LMOD1: variants seen among roughly 807,000 people sequenced by gnomAD.
The protein encoded by LMOD1 is leiomodin 1, also known as leiomodin-1.
In LMOD1, 8 loss-of-function variants were observed where a neutral mutation model predicts 36.5. That is an observed-to-expected ratio of 0.22 (90% CI 0.13 to 0.40). The LOEUF (loss-of-function observed/expected upper bound fraction) is 0.40. Among genes scored for constraint, LMOD1 ranks in the 10% least tolerant of loss-of-function variants. The probability of loss-of-function intolerance (pLI) is 1.00; values close to 1 mark genes in which losing one functional copy is unlikely to be tolerated. For synonymous variants in LMOD1, 284 were observed against 288.7 expected (o/e 0.98, Z 0.17); for missense variants, 630 against 751.1 (o/e 0.84, Z 1.88).
At position 201,901,611 on chromosome 1, in the gene LMOD1, CACAT is replaced by C. The variant is rs1195455755; in HGVS notation, c.262-864_262-861del. The stretch of plus-strand genomic sequence containing the variant: ...ATATATATATGTATATATATATATA[CACAT>C]ATATATGTGTGTGTGTATATATATA... On this transcript the variant is annotated intron_variant, in intron 1 of 2. Transcript: ENST00000367288. Among the ~76,000 whole-genome samples, 11 of 20,980 alleles carry C rather than the reference CACAT, an allele frequency of 5.2e-4. 1 individual carries two copies. Among genetic ancestry groups the C allele is most frequent in the African/African-American group, 2.8e-3 (11 of 3,922 alleles). 13.8% of individuals were successfully genotyped at this position (20,980 alleles called of 152,430 possible). A position where few individuals can be genotyped will look rare whatever the true frequency, so the allele number is the denominator to read the frequency against.
intron 1 of LMOD1, among the ~76,000 whole-genome samples, chr1:201,916,920 G>A (rs767985645): frequency 2.0e-5 from 3 of 152,306 alleles, no homozygotes; most frequent in East Asian, 1.9e-4. Context: ...TCCAGGGGTC[G>A]GAGTGGCGCA....
chr1:201,929,492 G>A (rs969957662), intron 1 of LMOD1, among the ~76,000 whole-genome samples: 1 of 152,146 alleles, frequency 6.6e-6, no homozygotes, highest in South Asian at 2.1e-4. Context: ...GGGAAATATG[G>A]CAGTGATCTA....
intron 1 of LMOD1, among the ~76,000 whole-genome samples, chr1:201,939,064 A>T (rs914331249): frequency 7.2e-5 from 11 of 152,032 alleles, no homozygotes; most frequent in African/African-American, 2.4e-4. Context: ...GCGAGTAATT[A>T]CATAAGCCCT....
At chr1:201,902,445 G>GTTTA (rs34946135) in intron 1 of LMOD1, among the ~76,000 whole-genome samples, 1 of 77,776 alleles carries the variant, frequency 1.3e-5, no homozygotes, top group Non-Finnish European at 3.3e-5. Flanking sequence ...GTTTTTTTTG[G>GTTTA]TTTGTTTGTT....
chr1:201,903,260 T>A (rs1373582658), intron 1 of LMOD1, among the ~76,000 whole-genome samples: 2 of 152,234 alleles, frequency 1.3e-5, no homozygotes, highest in African/African-American at 4.8e-5. Flanking sequence ...CCTTGGCTCC[T>A]CTGCTAGAAT....
intron 1 of LMOD1, among the ~76,000 whole-genome samples, chr1:201,903,763 C>T (rs1483952967): frequency 6.6e-6 from 1 of 152,170 alleles, no homozygotes; most frequent in East Asian, 1.9e-4. Context: ...GGCAAAGACT[C>T]CTGCCCTCCC....
At chr1:201,909,392 C>T (rs1330918994) in intron 1 of LMOD1, among the ~76,000 whole-genome samples, 1 of 152,178 alleles carries the variant, frequency 6.6e-6, no homozygotes, top group African/African-American at 2.4e-5. Flanking sequence ...TAGCTTTGAG[C>T]CCATATTTCT....
At chr1:201,924,862 G>A (rs1482711081) in intron 1 of LMOD1, among the ~76,000 whole-genome samples, 1 of 152,106 alleles carries the variant, frequency 6.6e-6, no homozygotes, top group East Asian at 1.9e-4. Flanking sequence ...TCTAGTGTGT[G>A]TGACAGAGCA....
chr1:201,941,375 C>G (rs1558244605), intron 1 of LMOD1, among the ~76,000 whole-genome samples: 1 of 152,180 alleles, frequency 6.6e-6, no homozygotes, highest in African/African-American at 2.4e-5. Context: ...TTTTCAAACT[C>G]TGGATGGAGG....
In LMOD1 at chr1:201,898,402, T is replaced by C. The variant is rs989893356; in HGVS notation, c.1777-4A>G. The C allele has an allele frequency of 6.2e-7, 1 of 1,612,412 alleles. No individual in the cohort carries two copies. Among genetic ancestry groups the C allele is most frequent in the African/African-American group, 1.3e-5 (1 of 74,974 alleles). ...GAAGCAGTTTGGGCACTTCCACCTG[T>C]AGGGGCAAAGTAGAGACAGGTTAGA... On this transcript the variant is annotated splice_region_variant and splice_polypyrimidine_tract_variant and intron_variant, in intron 2 of 2. Coordinates refer to ENST00000367288, the MANE Select transcript of LMOD1 (RefSeq NM_012134.3).
At chr1:201,912,405 A>C (rs1464287666) in intron 1 of LMOD1, among the ~76,000 whole-genome samples, 15 of 136,678 alleles carry the variant, frequency 1.1e-4, no homozygotes, top group South Asian at 2.3e-4. Context: ...AGCTCCCTTC[A>C]CTCCCTCCCT....
chr1:201,902,424 G>A (rs1156793433), intron 1 of LMOD1, among the ~76,000 whole-genome samples: 3 of 149,408 alleles, frequency 2.0e-5, no homozygotes, highest in Non-Finnish European at 4.5e-5. Flanking sequence ...GAGCTGTGAT[G>A]GGGGCTTGAG....
At position 201,918,141 on chromosome 1, in the gene LMOD1, G is replaced by A. The variant is rs576334283; in HGVS notation, c.262-17390C>T. Reference sequence around the variant, plus strand: ...GGATGGTGCAGCTCTCTGTCTTCCCGCCTTCTCCCTCTTCAGGAATGGCTC... The same window carrying A: ...GGATGGTGCAGCTCTCTGTCTTCCCACCTTCTCCCTCTTCAGGAATGGCTC... On this transcript the variant is annotated intron_variant, in intron 1 of 2. Transcript: ENST00000367288. Among the ~76,000 whole-genome samples, 5 of 152,306 alleles carry A rather than the reference G, an allele frequency of 3.3e-5. No individual in the cohort carries two copies. In the East Asian group the frequency reaches 5.8e-4, roughly 18 times the overall value.
In LMOD1 at chr1:201,900,382, T is replaced by C. The variant is rs1681279625; in HGVS notation, c.631A>G (p.Met211Val). Residue 211 changes from methionine (M) to valine (V), a missense_variant, in exon 2 of 3, where the codon ATG becomes GTG. Around this residue, in one of 3 missense-constraint regions of LMOD1, gnomAD observed 405 missense variants for 400.6 expected, o/e 1.01. Transcript: ENST00000367288. The part of the protein sequence containing the change: ...SRDKDKKREE[M>V]KEVAKKEDDE... ...TCCTCTTTCTTGGCCACCTCCTTCA[T>C]CTCCTCTCTCTTTTTATCCTTGTCC... 3 of 1,561,448 alleles carry C rather than the reference T, an allele frequency of 1.9e-6. No homozygotes were observed. Among genetic ancestry groups the C allele is most frequent in the Non-Finnish European group, 2.6e-6 (3 of 1,152,138 alleles).
intron 1 of LMOD1, among the ~76,000 whole-genome samples, chr1:201,924,636 TAAAG>T (rs140290199): frequency 1.6e-4 from 15 of 95,860 alleles, no homozygotes; most frequent in Admixed American, 3.9e-4. Flanking sequence ...AAAGGAAGAA[TAAAG>T]AAAGAAAGAG....
chr1:201,938,286 C>T (rs1268692981), intron 1 of LMOD1, among the ~76,000 whole-genome samples: 12 of 152,210 alleles, frequency 7.9e-5, no homozygotes, highest in African/African-American at 2.4e-4. Flanking sequence ...CGTGCCACCA[C>T]GCCCGGCTAA....
At chr1:201,923,804 G>A (rs559371853) in intron 1 of LMOD1, among the ~76,000 whole-genome samples, 6 of 151,720 alleles carry the variant, frequency 4.0e-5, no homozygotes, top group African/African-American at 7.3e-5. Context: ...AGTCGAGGTC[G>A]CCTTGAGCTG....
intron 1 of LMOD1, among the ~76,000 whole-genome samples, chr1:201,921,345 G>C (rs1454140355): frequency 6.6e-6 from 1 of 151,340 alleles, no homozygotes; most frequent in Non-Finnish European, 1.5e-5. Flanking sequence ...AAAATTAGCT[G>C]GGCATGGTGG....
chr1:201,899,758 C>T lies in LMOD1; in HGVS notation c.1255G>A (p.Glu419Lys), dbSNP rs1681262248. ...RALLQNNTLT[E>K]LRFHNQRHIC... ...TGTCGCTGGTTGTGGAAGCGGAGCT[C>T]GGTCAGCGTGTTGTTCTGGAGGAGG... The change falls in exon 2 of 3, where the codon GAG becomes AAG. Residue 419 changes from glutamate to lysine, a missense_variant. Transcript: ENST00000367288. This position sits in a 1 kb window ranked among gnomAD's most constrained non-coding sequence, Gnocchi z 6.3. The T allele has an allele frequency of 1.2e-6, 2 of 1,613,912 alleles. No homozygotes were observed. The highest frequency in any genetic ancestry group is 1.7e-6 in the Non-Finnish European group (2 of 1,179,912).
Sources: allele counts gnomAD v4.1 joint callset (sites outside exome capture counted in the v4.1 genomes callset), GRCh38; gene constraint gnomAD v4.1.1; regional missense constraint gnomAD v4.1.1; non-coding constraint Gnocchi (gnomAD v3.1); transcripts MANE v1.5; gene names NCBI Gene and HGNC (gene_info 2026-07-23, HGNC 2026-07-21).